MAPK8: variants seen among roughly 807,000 people sequenced by gnomAD.
MAPK8 encodes mitogen-activated protein kinase 8, also known as JUN N-terminal kinase.
In MAPK8, 13 loss-of-function variants were observed where a neutral mutation model predicts 52.9. That is an observed-to-expected ratio of 0.25 (90% CI 0.16 to 0.39). MAPK8 has a LOEUF of 0.39. MAPK8 is among the 10% of genes least tolerant of loss of function. The pLI is 1.00. For missense variants in MAPK8, 300 were observed against 519.2 expected, an observed-to-expected ratio of 0.58 and a Z score of 4.10; for synonymous variants, 191 against 169.8, an observed-to-expected ratio of 1.12 and a Z score of -0.97.
rs1403571406 is a variant in MAPK8 at position 48,312,675 on chromosome 10, TAAAG to T, written c.-50+5858_-50+5861del. On this transcript the variant is annotated intron_variant, in intron 1 of 11. Coordinates refer to ENST00000374189, the MANE Select transcript of MAPK8 (RefSeq NM_001323329.2). The stretch of plus-strand genomic sequence containing the variant: ...GCCATTGGGTCAACCAAAGGTAAGA[TAAAG>T]AAAAGCTACTGCTGTGTGGATTTTT... 3.3e-5 allele frequency among the ~76,000 whole-genome samples: 5 copies of T among 152,298 alleles called. No homozygotes were observed. In the South Asian group the frequency reaches 1.0e-3, roughly 32 times the overall value.
chr10:48,350,918 G>A (rs571696214), intron 1 of MAPK8, among the ~76,000 whole-genome samples: 140 of 152,306 alleles, frequency 9.2e-4, no homozygotes, highest in African/African-American at 3.3e-3. Flanking sequence ...CATCAGCAAA[G>A]TCTTAGCATA....
At chr10:48,423,170 T>C (rs1391347551) in intron 6 of MAPK8, among the ~76,000 whole-genome samples, 1 of 152,232 alleles carries the variant, frequency 6.6e-6, no homozygotes, top group Non-Finnish European at 1.5e-5. Flanking sequence ...TTTCCCTTAG[T>C]AAGTGGAGAT....
chr10:48,343,602 T>C (rs1032281279), intron 1 of MAPK8, among the ~76,000 whole-genome samples: 23 of 152,314 alleles, frequency 1.5e-4, no homozygotes, highest in Non-Finnish European at 2.9e-4. Flanking sequence ...TTCTGAAAGA[T>C]TAAATGTGAA....
chr10:48,373,571 CAAA>C (rs539162576), intron 1 of MAPK8, among the ~76,000 whole-genome samples: 96 of 16,806 alleles, frequency 5.7e-3, no homozygotes, highest in African/African-American at 0.011. Context: ...AAATTGAAAG[CAAA>C]AAAAAAAAAA....
At chr10:48,401,002 G>T (rs2042132929) in intron 1 of MAPK8, among the ~76,000 whole-genome samples, 1 of 151,980 alleles carries the variant, frequency 6.6e-6, no homozygotes, top group Non-Finnish European at 1.5e-5. Flanking sequence ...TTTCTGTTTT[G>T]CTTCTCATCC....
chr10:48,424,454 TC>T, intron 7 of MAPK8: 2 of 1,118,442 alleles, frequency 1.8e-6, no homozygotes, highest in South Asian at 1.5e-5. Context: ...TTTATTTCTT[TC>T]TTTTTTTTTT....
intron 1 of MAPK8, among the ~76,000 whole-genome samples, chr10:48,380,229 G>A (rs1028750707): frequency 1.3e-5 from 2 of 152,146 alleles, no homozygotes; most frequent in South Asian, 2.1e-4. Flanking sequence ...GCAACAGAGC[G>A]AGACTCCGTC....
At position 48,370,198 on chromosome 10, in the gene MAPK8, C is replaced by T. The variant is rs191411745; in HGVS notation, c.-49-31414C>T. ...TAGTGAATGGAAGAAGAGGTATTCC[C>T]TGACTTTCATTTTCTCTAGGAAGAG... On this transcript the variant is annotated intron_variant, in intron 1 of 11. Transcript: ENST00000374189. Among the ~76,000 whole-genome samples the T allele has an allele frequency of 2.9e-3, 434 of 152,184 alleles. 1 individual carries two copies. The highest frequency in any genetic ancestry group is 7.7e-3 in the South Asian group (37 of 4,830).
intron 5 of MAPK8, among the ~76,000 whole-genome samples, chr10:48,413,864 G>C: frequency 1.5e-5 from 1 of 66,486 alleles, no homozygotes; most frequent in South Asian, 4.5e-4. Context: ...TATATATTCA[G>C]AAATATTTTA....
At chr10:48,377,623 C>T (rs1029048217) in intron 1 of MAPK8, among the ~76,000 whole-genome samples, 1 of 152,088 alleles carries the variant, frequency 6.6e-6, no homozygotes. Flanking sequence ...AGAAGAGATA[C>T]GTTATTGCCC....
rs949167648 is a variant in MAPK8 at position 48,404,720 on chromosome 10, C to T, written c.123-132C>T. On this transcript the variant is annotated intron_variant, in intron 2 of 11. Coordinates refer to ENST00000374189, the MANE Select transcript of MAPK8 (RefSeq NM_001323329.2). ...ATAGATATAGAAGACACATGTTGAG[C>T]GTCATAGACTTGGAAGGGATCCAGT... 9 of 618,838 alleles carry T rather than the reference C, an allele frequency of 1.5e-5. 1 individual carries two copies. The highest frequency in any genetic ancestry group is 7.4e-5 in the South Asian group (3 of 40,528). 38.3% of individuals were successfully genotyped at this position (618,838 alleles called of 1,614,324 possible). A position where few individuals can be genotyped will look rare whatever the true frequency, so the allele number is the denominator to read the frequency against.
intron 2 of MAPK8, among the ~76,000 whole-genome samples, chr10:48,403,437 G>A (rs1232873554): frequency 6.6e-6 from 1 of 150,498 alleles, no homozygotes; most frequent in African/African-American, 2.4e-5. Flanking sequence ...CAGCCTGGGT[G>A]ATAGAGTGAG....
intron 1 of MAPK8, among the ~76,000 whole-genome samples, chr10:48,387,394 C>T (rs1415778363): frequency 1.3e-5 from 2 of 151,788 alleles, no homozygotes; most frequent in Non-Finnish European, 2.9e-5. Context: ...TCTTTATAAG[C>T]GAGTAGTACA....
At chr10:48,400,552 T>C (rs2042108987) in intron 1 of MAPK8, among the ~76,000 whole-genome samples, 1 of 152,196 alleles carries the variant, frequency 6.6e-6, no homozygotes, top group Non-Finnish European at 1.5e-5. Flanking sequence ...TCATGCTCTC[T>C]CCAGTGGCTC....
intron 1 of MAPK8, among the ~76,000 whole-genome samples, chr10:48,367,305 G>T (rs934342881): frequency 6.6e-6 from 1 of 152,030 alleles, no homozygotes; most frequent in Non-Finnish European, 1.5e-5. Flanking sequence ...GTTTGGGGCT[G>T]CAAGTGAGCC....
chr10:48,351,831 T>C (rs1809506565), intron 1 of MAPK8, among the ~76,000 whole-genome samples: 1 of 152,134 alleles, frequency 6.6e-6, no homozygotes, highest in African/African-American at 2.4e-5. Flanking sequence ...TTAGAATATT[T>C]GCATTGGTTG....
At chr10:48,394,704 A>G (rs550148274) in intron 1 of MAPK8, among the ~76,000 whole-genome samples, 28 of 152,034 alleles carry the variant, frequency 1.8e-4, no homozygotes, top group African/African-American at 5.8e-4. Context: ...TCTATTCGGC[A>G]TTGTATGGAA....
At chr10:48,365,923 AG>A (rs1484700875) in intron 1 of MAPK8, among the ~76,000 whole-genome samples, 2 of 152,192 alleles carry the variant, frequency 1.3e-5, no homozygotes, top group Non-Finnish European at 1.5e-5. Flanking sequence ...TTCCTGATTC[AG>A]TAATGAGAAG....
rs193121890 is a variant in MAPK8, at chr10:48,408,810, C to T, written c.253-1069C>T. Reference sequence around the variant, plus strand: ...TCACAATTCTGTAGGCTGGGAAGTTCAAGATCAAGTTGCTGGTCAATTTGA... The same window carrying T: ...TCACAATTCTGTAGGCTGGGAAGTTTAAGATCAAGTTGCTGGTCAATTTGA... On this transcript the variant is annotated intron_variant, in intron 3 of 11. Transcript: ENST00000374189. 3.9e-5 allele frequency among the ~76,000 whole-genome samples: 6 copies of T among 152,266 alleles called. No homozygotes were observed. In the East Asian group the frequency reaches 1.2e-3, roughly 29 times the overall value.
Sources: allele counts gnomAD v4.1 joint callset (sites outside exome capture counted in the v4.1 genomes callset), GRCh38; gene constraint gnomAD v4.1.1; transcripts MANE v1.5; gene names NCBI Gene and HGNC (gene_info 2026-07-23, HGNC 2026-07-21).